The following ENOX1 variants were observed in gnomAD, a reference collection of about 807,000 sequenced individuals.
ENOX1 encodes candidate growth-related and time keeping constitutive hydroquinone (NADH) oxidase.
In ENOX1, 42 loss-of-function variants were observed where a neutral mutation model predicts 82.5. The ratio of observed to expected loss-of-function variants is 0.51; its 90% CI spans 0.40 to 0.66. The LOEUF (loss-of-function observed/expected upper bound fraction) is 0.66, where lower values mean the gene tolerates loss of function less well. Ranked by LOEUF, ENOX1 falls within the 30% of genes least tolerant of loss-of-function variation. The probability of loss-of-function intolerance (pLI) is 0.00; values close to 1 mark genes in which losing one functional copy is unlikely to be tolerated. For synonymous variants in ENOX1, 271 were observed against 282.2 expected, an observed-to-expected ratio of 0.96 and a Z score of 0.40; for missense variants, 608 against 811.6, an observed-to-expected ratio of 0.75 and a Z score of 3.05.
rs1593434384 is a variant in ENOX1, at chr13:43,484,635, G to A, written c.-218-483C>T. 2.0e-5 allele frequency among the ~76,000 whole-genome samples: 3 copies of A among 152,244 alleles called. No homozygotes were observed. In the South Asian group the frequency reaches 6.2e-4, roughly 32 times the overall value. ...TCAAAGTTCAAAGGCCTTAGGGCAG[G>A]TACTTTCCCTCATCTCACTCTGTAG... On this transcript the variant is annotated intron_variant, in intron 2 of 16. Transcript: ENST00000690772.
chr13:43,364,161 C>T (rs2050697090), intron 5 of ENOX1, among the ~76,000 whole-genome samples: 1 of 152,116 alleles, frequency 6.6e-6, no homozygotes, highest in African/African-American at 2.4e-5. Flanking sequence ...ATATGATGTA[C>T]TCGCTCATTA....
At chr13:43,291,816 C>CA (rs1566436909) in intron 12 of ENOX1, among the ~76,000 whole-genome samples, 1 of 152,132 alleles carries the variant, frequency 6.6e-6, no homozygotes, top group African/African-American at 2.4e-5. Flanking sequence ...AATAAACTTA[C>CA]AAAAACAAGG....
intron 15 of ENOX1, among the ~76,000 whole-genome samples, chr13:43,225,164 G>A (rs1238219859): frequency 6.6e-6 from 1 of 152,164 alleles, no homozygotes; most frequent in African/African-American, 2.4e-5. Context: ...AACTAATGCA[G>A]AAATAAAACC....
rs1190789682 is a variant in ENOX1, at chr13:43,359,895, C to T, written c.545G>A (p.Arg182His). The T allele has an allele frequency of 1.2e-6, 2 of 1,614,172 alleles. No individual in the cohort carries two copies. Among genetic ancestry groups the T allele is most frequent in the Non-Finnish European group, 1.7e-6 (2 of 1,180,018 alleles). The change falls in exon 7 of 17, where the codon CGC becomes CAC. Residue 182 changes from arginine (R) to histidine (H), a missense_variant. Transcript: ENST00000690772. ...ATCAACCATGAATTCCTCTGCAAAG[C>T]GAATGTGACAAAAATTCTTCTTGCT... ...RKSKKNFCHI[R>H]FAEEFMVDKA...
At chr13:43,433,596 A>T (rs1158056439) in intron 3 of ENOX1, among the ~76,000 whole-genome samples, 1 of 152,258 alleles carries the variant, frequency 6.6e-6, no homozygotes, top group Admixed American at 6.5e-5. Flanking sequence ...ATATAAGAAA[A>T]TAATAAATCC....
At chr13:43,226,868 G>A (rs1250986279) in intron 15 of ENOX1, among the ~76,000 whole-genome samples, 1 of 152,232 alleles carries the variant, frequency 6.6e-6, no homozygotes, top group Non-Finnish European at 1.5e-5. Flanking sequence ...GAGACAGGGA[G>A]TGGCAGCAGC....
chr13:43,255,309 C>T (rs968562193), intron 14 of ENOX1, among the ~76,000 whole-genome samples: 13 of 152,058 alleles, frequency 8.5e-5, no homozygotes, highest in Admixed American at 7.9e-4. Context: ...TAATAATGAC[C>T]ATATATGACA....
intron 3 of ENOX1, among the ~76,000 whole-genome samples, chr13:43,478,505 C>T (rs1169108512): frequency 6.6e-6 from 1 of 152,104 alleles, no homozygotes; most frequent in Non-Finnish European, 1.5e-5. Context: ...GACTCAGGAA[C>T]TCACTCATAA....
intron 1 of ENOX1, among the ~76,000 whole-genome samples, chr13:43,723,976 A>G (rs1385429479): frequency 6.6e-6 from 1 of 152,184 alleles, no homozygotes; most frequent in Non-Finnish European, 1.5e-5. Context: ...TCTTCACATC[A>G]CTAGGGTAGT....
At chr13:43,281,599 A>G (rs1051340077) in intron 12 of ENOX1, among the ~76,000 whole-genome samples, 1 of 152,154 alleles carries the variant, frequency 6.6e-6, no homozygotes, top group Non-Finnish European at 1.5e-5. Context: ...CTCAGTTGGC[A>G]ATTGCATACA....
At chr13:43,241,572 CA>C (rs142208054) in intron 14 of ENOX1, among the ~76,000 whole-genome samples, 2,136 of 152,316 alleles carry the variant, frequency 0.014, 22 homozygotes, top group Middle Eastern at 0.054. Flanking sequence ...AGTAAAAGCA[CA>C]CCAGACTAGA....
intron 1 of ENOX1, among the ~76,000 whole-genome samples, chr13:43,712,921 C>T (rs373023384): frequency 5.9e-5 from 9 of 152,108 alleles, no homozygotes; most frequent in South Asian, 2.1e-4. Flanking sequence ...TCCTGCCTAA[C>T]TGCCCTGGCC....
intron 1 of ENOX1, among the ~76,000 whole-genome samples, chr13:43,781,238 T>G (rs1390628020): frequency 6.6e-6 from 1 of 152,178 alleles, no homozygotes; most frequent in Non-Finnish European, 1.5e-5. Flanking sequence ...AAATGAAGCT[T>G]GAAATACTTG....
At chr13:43,716,594 C>T (rs1034718964) in intron 1 of ENOX1, among the ~76,000 whole-genome samples, 1 of 152,166 alleles carries the variant, frequency 6.6e-6, no homozygotes, top group Non-Finnish European at 1.5e-5. Flanking sequence ...GTCAAATGAT[C>T]TCTCTTTGCT....
At chr13:43,422,285 TTGAA>T (rs914384707) in intron 3 of ENOX1, among the ~76,000 whole-genome samples, 2 of 152,210 alleles carry the variant, frequency 1.3e-5, no homozygotes, top group African/African-American at 4.8e-5. Context: ...CAGCTGCTCT[TTGAA>T]TGAGCTGAAA....
At position 43,412,963 on chromosome 13, in the gene ENOX1, A is replaced by T; in HGVS notation, c.-49T>A. 1 of 1,611,074 alleles carries T rather than the reference A, an allele frequency of 6.2e-7. No individual in the cohort carries two copies. The highest frequency in any genetic ancestry group is 8.5e-7 in the Non-Finnish European group (1 of 1,178,976). ...CAGGAACACTTTGATGGCTGAGTGCAGGGTCCCCTCGGAGGTCATCAGATT... is the reference window on the plus strand; with the variant it reads ...CAGGAACACTTTGATGGCTGAGTGCTGGGTCCCCTCGGAGGTCATCAGATT... On this transcript the variant is annotated 5_prime_UTR_variant, in exon 4 of 17. Transcript: ENST00000690772.
Position 43,785,595 on chromosome 13 carries a change from G to A in ENOX1, c.-285+1057C>T, listed in dbSNP as rs1038512479. Among the ~76,000 whole-genome samples, 17 of 152,144 alleles carry A rather than the reference G, an allele frequency of 1.1e-4. 1 individual carries two copies. Among genetic ancestry groups the A allele is most frequent in the Admixed American group, 8.5e-4 (13 of 15,272 alleles). ...AATGTTACAGCAGTGAAAGATTGAGGGAGAGAAAAGGAGAGAAGCAGGAGT... is the reference window on the plus strand; with the variant it reads ...AATGTTACAGCAGTGAAAGATTGAGAGAGAGAAAAGGAGAGAAGCAGGAGT... On this transcript the variant is annotated intron_variant, in intron 1 of 16. Coordinates refer to ENST00000690772, the MANE Select transcript of ENOX1 (RefSeq NM_001347969.2).
intron 2 of ENOX1, among the ~76,000 whole-genome samples, chr13:43,657,710 G>T (rs2084510385): frequency 6.6e-6 from 1 of 152,232 alleles, no homozygotes; most frequent in Non-Finnish European, 1.5e-5. Context: ...ACAAGGGACA[G>T]CCCCAAAAAT....
chr13:43,258,294 G>A (rs2043863151), intron 14 of ENOX1, among the ~76,000 whole-genome samples: 1 of 152,336 alleles, frequency 6.6e-6, no homozygotes, highest in Admixed American at 6.5e-5. Context: ...ACCTTTTCAA[G>A]GGTGCTGGGT....
Sources: gnomAD v4.1 joint callset for allele counts (sites outside exome capture counted in the v4.1 genomes callset) on GRCh38, gnomAD v4.1.1 for gene constraint, MANE v1.5 for transcripts, NCBI Gene and HGNC (gene_info 2026-07-23, HGNC 2026-07-21) for gene names.